The following DMD variants were observed in gnomAD, a reference collection of about 807,000 sequenced individuals.
DMD encodes mutant dystrophin.
In DMD, 63 loss-of-function variants were observed where a neutral mutation model predicts 330.1. The observed-to-expected ratio is 0.19, with a 90% CI of 0.16 to 0.24. DMD has a LOEUF of 0.24. Among genes scored for constraint, DMD ranks in the 10% least tolerant of loss-of-function variants. The probability of loss-of-function intolerance (pLI) is 1.00; values close to 1 mark genes in which losing one functional copy is unlikely to be tolerated. For synonymous variants in DMD, 1,223 were observed against 959.8 expected (o/e 1.27, Z -5.07); for missense variants, 3,344 against 2,684.1 (o/e 1.25, Z -5.43).
intron 2 of DMD, among the ~76,000 whole-genome samples, chrX:33,019,814 ATCT>A (rs1293018885): frequency 5.4e-5 from 6 of 111,573 alleles, no homozygotes; most frequent in African/African-American, 9.8e-5. Context: ...ATTCCCTCAT[ATCT>A]TCTTCTGCTG....
intron 5 of DMD, among the ~76,000 whole-genome samples, chrX:32,821,674 G>A (rs2078271079): frequency 1.8e-5 from 2 of 111,328 alleles, no homozygotes; most frequent in Non-Finnish European, 3.8e-5. Context: ...CAATAGGGCT[G>A]GATCTGAACT....
chrX:31,231,210 ACAAAG>A (rs1203091577), intron 63 of DMD, among the ~76,000 whole-genome samples: 5 of 111,266 alleles, frequency 4.5e-5, no homozygotes, highest in Non-Finnish European at 9.4e-5. Context: ...CTAAAAAGCT[ACAAAG>A]CAGTGTTGCC....
intron 1 of DMD, among the ~76,000 whole-genome samples, chrX:33,331,602 T>C (rs1182427048): frequency 1.8e-5 from 2 of 111,583 alleles, no homozygotes; most frequent in Non-Finnish European, 3.8e-5. Context: ...TGTCTTCAAA[T>C]TGCAACATAA....
In DMD at chrX:32,809,518, G is replaced by T. The variant is rs768761464; in HGVS notation, c.624C>A (p.Gly208=). The change falls in exon 7 of 79, where the codon GGC becomes GGA. Residue 208 remains glycine, a synonymous_variant. Transcript: ENST00000357033. ...HAFNIARYQL[G]IEKLLDPEDV... ...CTTCAGGATCGAGTAGTTTCTCTATGCCTAATTGATATCTGGCGATGTTGA... is the reference window on the plus strand; with the variant it reads ...CTTCAGGATCGAGTAGTTTCTCTATTCCTAATTGATATCTGGCGATGTTGA... 1 of 1,210,313 alleles carries T rather than the reference G, an allele frequency of 8.3e-7. No individual in the cohort carries two copies. Among genetic ancestry groups the T allele is most frequent in the Admixed American group, 2.2e-5 (1 of 45,928 alleles).
chrX:32,388,562 T>C (rs193286747), intron 32 of DMD, among the ~76,000 whole-genome samples: 28 of 110,390 alleles, frequency 2.5e-4, no homozygotes, highest in African/African-American at 9.2e-4. Context: ...AATATATGTA[T>C]TTATTTTAAG....
chrX:31,595,737 T>TG (rs1402826272), intron 55 of DMD, among the ~76,000 whole-genome samples: 63 of 18,519 alleles, frequency 3.4e-3, no homozygotes, highest in Non-Finnish European at 5.2e-3. Flanking sequence ...GGACCTATGC[T>TG]GTTTTTTTTT....
At chrX:33,313,360 G>A (rs1476507678) in intron 1 of DMD, among the ~76,000 whole-genome samples, 1 of 111,819 alleles carries the variant, frequency 8.9e-6, no homozygotes, top group Non-Finnish European at 1.9e-5. Flanking sequence ...ACAGACATGT[G>A]TATTGTTGAC....
At chrX:32,050,153 T>C (rs1234824469) in intron 44 of DMD, among the ~76,000 whole-genome samples, 1 of 111,510 alleles carries the variant, frequency 9.0e-6, no homozygotes, top group East Asian at 2.8e-4. Flanking sequence ...GGTCCGGAAA[T>C]GTTCATAGAC....
chrX:31,305,945 A>C (rs2148128834), intron 62 of DMD, among the ~76,000 whole-genome samples: 1 of 112,556 alleles, frequency 8.9e-6, no homozygotes, highest in South Asian at 3.6e-4. Flanking sequence ...TGTGAACATT[A>C]AAAACAAACA....
At chrX:32,588,213 A>T (rs956699530) in intron 13 of DMD, among the ~76,000 whole-genome samples, 1 of 112,304 alleles carries the variant, frequency 8.9e-6, no homozygotes, top group Non-Finnish European at 1.9e-5. Flanking sequence ...TTCTAATAAA[A>T]GAGTAAAGCA....
intron 59 of DMD, among the ~76,000 whole-genome samples, chrX:31,472,923 C>T (rs2067409696): frequency 8.9e-6 from 1 of 112,234 alleles, no homozygotes; most frequent in South Asian, 3.7e-4. Context: ...ATAGATGCGA[C>T]AGATTTGCAT....
intron 62 of DMD, among the ~76,000 whole-genome samples, chrX:31,317,450 T>C (rs1467937985): frequency 1.8e-5 from 2 of 110,496 alleles, no homozygotes; most frequent in Non-Finnish European, 3.8e-5. Flanking sequence ...TCAAACCCAA[T>C]GTCAGAAGAC....
intron 74 of DMD, among the ~76,000 whole-genome samples, chrX:31,165,107 C>G (rs778032611): frequency 8.9e-6 from 1 of 111,907 alleles, no homozygotes; most frequent in Non-Finnish European, 1.9e-5. Context: ...TTGATAGCTA[C>G]TAGACTAGGT....
At chrX:33,128,163 C>T in intron 1 of DMD, 1 of 1,207,758 alleles carries the variant, frequency 8.3e-7, no homozygotes, top group Non-Finnish European at 1.1e-6. Flanking sequence ...AGACCTCAGA[C>T]ATTTCAAATT....
intron 11 of DMD, among the ~76,000 whole-genome samples, chrX:32,626,639 C>T (rs2146535997): frequency 9.6e-6 from 1 of 103,667 alleles, no homozygotes; most frequent in Non-Finnish European, 1.9e-5. Flanking sequence ...TTTGTTTCAG[C>T]TTTTGTTTCA....
At chrX:32,445,527 G>T in intron 27 of DMD, among the ~76,000 whole-genome samples, 1 of 110,646 alleles carries the variant, frequency 9.0e-6, no homozygotes, top group East Asian at 2.8e-4. Context: ...ATTTGATTAA[G>T]TTATGATATT....
intron 7 of DMD, among the ~76,000 whole-genome samples, chrX:32,741,010 G>C (rs1448083320): frequency 1.8e-5 from 2 of 111,541 alleles, no homozygotes; most frequent in African/African-American, 3.3e-5. Flanking sequence ...GATATAGGAA[G>C]GTGTGTGTGT....
At chrX:32,936,015 T>C (rs957913107) in intron 2 of DMD, among the ~76,000 whole-genome samples, 9 of 111,945 alleles carry the variant, frequency 8.0e-5, no homozygotes, top group Non-Finnish European at 1.5e-4. Context: ...ATTAAGCTTT[T>C]AAAATGTTTT....
chrX:31,578,987 T>C (rs1812819450), intron 55 of DMD, among the ~76,000 whole-genome samples: 1 of 112,033 alleles, frequency 8.9e-6, no homozygotes, highest in Non-Finnish European at 1.9e-5. Context: ...GATTGGGTTA[T>C]AGGTACTTCA....
Sources: allele counts gnomAD v4.1 joint callset (sites outside exome capture counted in the v4.1 genomes callset), GRCh38; gene constraint gnomAD v4.1.1; transcripts MANE v1.5; gene names NCBI Gene and HGNC (gene_info 2026-07-23, HGNC 2026-07-21).